PRKN: variants seen among roughly 807,000 people sequenced by gnomAD.
PRKN encodes the protein parkin RBR E3 ubiquitin protein ligase.
PRKN carries 56 observed loss-of-function variants against 59.5 expected under a neutral mutation model. That is an observed-to-expected ratio of 0.94 (90% CI 0.76 to 1.18). The LOEUF (loss-of-function observed/expected upper bound fraction) is 1.18. PRKN is among the 50% of genes most tolerant of loss of function. PRKN has a pLI of 0.00. For synonymous variants in PRKN, 250 were observed against 222.1 expected (o/e 1.13, Z -1.12); for missense variants, 657 against 596.4 (o/e 1.10, Z -1.06).
chr6:161,690,962 C>T (rs984791498), intron 7 of PRKN, among the ~76,000 whole-genome samples: 1 of 123,446 alleles, frequency 8.1e-6, no homozygotes, highest in African/African-American at 4.3e-5. Flanking sequence ...TTGAACAATC[C>T]ATCCATCCAT....
intron 7 of PRKN, among the ~76,000 whole-genome samples, chr6:161,669,102 T>A (rs550726014): frequency 8.3e-4 from 127 of 152,286 alleles, no homozygotes; most frequent in African/African-American, 2.9e-3. Context: ...AGAGAGCTCA[T>A]CTGCCACTTT....
rs143261678 is a variant in PRKN, at chr6:161,577,190, A to G, written c.872-7774T>C. 3.6e-3 allele frequency among the ~76,000 whole-genome samples: 544 copies of G among 152,308 alleles called. 2 individuals carry two copies. The highest frequency in any genetic ancestry group is 6.8e-3 in the Middle Eastern group (2 of 294). ...CTTCACAGTGTTATGCATGTAATTC[A>G]TTTACTACTCATGACAACCCTATAA... On this transcript the variant is annotated intron_variant, in intron 7 of 11. Coordinates refer to ENST00000366898, the MANE Select transcript of PRKN (RefSeq NM_004562.3).
intron 7 of PRKN, among the ~76,000 whole-genome samples, chr6:161,580,074 AC>A (rs1289091976): frequency 6.6e-6 from 1 of 152,244 alleles, no homozygotes; most frequent in Non-Finnish European, 1.5e-5. Flanking sequence ...TGAAAATAAA[AC>A]AAAAATCCAA....
intron 6 of PRKN, among the ~76,000 whole-genome samples, chr6:161,894,286 G>A (rs1777527918): frequency 6.6e-6 from 1 of 152,042 alleles, no homozygotes. Flanking sequence ...GATTTCATGC[G>A]AGTCTCATTA....
rs192898582 is a variant in PRKN, at chr6:161,498,961, A to G, written c.1083+49893T>C. Among the ~76,000 whole-genome samples, 29 of 152,154 alleles carry G rather than the reference A, an allele frequency of 1.9e-4. No homozygotes were observed. The highest frequency in any genetic ancestry group is 1.7e-3 in the Admixed American group (26 of 15,284). ...TGTATGGGGATGGGGGAGGATTGAGATTCTTCTTTATCTTCTACTGAAGCC... is the reference window on the plus strand; with the variant it reads ...TGTATGGGGATGGGGGAGGATTGAGGTTCTTCTTTATCTTCTACTGAAGCC... On this transcript the variant is annotated intron_variant, in intron 9 of 11. Transcript: ENST00000366898. The surrounding 1 kb of genome is among the most constrained non-coding windows in gnomAD (Gnocchi z 4.2).
intron 4 of PRKN, among the ~76,000 whole-genome samples, chr6:162,105,118 G>T (rs983093305): frequency 2.6e-5 from 4 of 152,168 alleles, no homozygotes; most frequent in African/African-American, 9.7e-5. Context: ...GCAGCGAAAA[G>T]AAGACAGAAC....
chr6:161,514,399 A>T (rs796886889), intron 9 of PRKN, among the ~76,000 whole-genome samples: 4 of 152,194 alleles, frequency 2.6e-5, no homozygotes, highest in African/African-American at 9.6e-5. Context: ...TGGGACTCTG[A>T]ACAGTTTTTT....
chr6:162,569,811 A>G, intron 1 of PRKN: 2 of 449,862 alleles, frequency 4.4e-6, no homozygotes. Flanking sequence ...AGCGGAGCAC[A>G]GGGAATGGGA....
At chr6:162,135,353 A>G (rs900955965) in intron 4 of PRKN, among the ~76,000 whole-genome samples, 4 of 152,170 alleles carry the variant, frequency 2.6e-5, no homozygotes, top group Non-Finnish European at 5.9e-5. Flanking sequence ...ATTCCCGATT[A>G]GTTGTCCTAA....
chr6:162,094,820 G>A (rs951880761), intron 4 of PRKN, among the ~76,000 whole-genome samples: 1 of 152,088 alleles, frequency 6.6e-6, no homozygotes, highest in Non-Finnish European at 1.5e-5. Flanking sequence ...AATTTAGGAG[G>A]GAAATTTTAA....
intron 6 of PRKN, among the ~76,000 whole-genome samples, chr6:161,854,241 C>T (rs1473793508): frequency 4.0e-5 from 6 of 151,514 alleles, no homozygotes; most frequent in Non-Finnish European, 8.8e-5. Context: ...GGTGACAGAG[C>T]AAGATTCCAT....
intron 1 of PRKN, among the ~76,000 whole-genome samples, chr6:162,669,770 C>T (rs1779250620): frequency 6.6e-6 from 1 of 152,122 alleles, no homozygotes; most frequent in Non-Finnish European, 1.5e-5. Context: ...AGTTAGAATC[C>T]TAAATATTCC....
At chr6:162,198,259 C>G (rs1784578573) in intron 4 of PRKN, among the ~76,000 whole-genome samples, 1 of 151,916 alleles carries the variant, frequency 6.6e-6, no homozygotes, top group African/African-American at 2.4e-5. Context: ...GAGGTGGAGC[C>G]GAGACTACAA....
In PRKN at chr6:161,530,032, T is replaced by TAA. The variant is rs147377973; in HGVS notation, c.1083+18820_1083+18821dup. Among the ~76,000 whole-genome samples, 26 of 149,956 alleles carry TAA rather than the reference T, an allele frequency of 1.7e-4. No homozygotes were observed. Among genetic ancestry groups the TAA allele is most frequent in the South Asian group, 8.5e-4 (4 of 4,718 alleles). On this transcript the variant is annotated intron_variant, in intron 9 of 11. Coordinates refer to ENST00000366898, the MANE Select transcript of PRKN (RefSeq NM_004562.3). This position sits in a 1 kb window ranked among gnomAD's most constrained non-coding sequence, Gnocchi z 5.0. ...AAAAGCATTTTACTTAAGAAGCATT[T>TAA]AAAAAAAAAACCCTCATTCATTTCA...
intron 7 of PRKN, among the ~76,000 whole-genome samples, chr6:161,720,849 G>A (rs1787191243): frequency 6.6e-6 from 1 of 151,444 alleles, no homozygotes; most frequent in Non-Finnish European, 1.5e-5. Flanking sequence ...TTACAAATTA[G>A]CAAATGTTGT....
At chr6:162,218,092 C>T (rs1334960656) in intron 3 of PRKN, among the ~76,000 whole-genome samples, 1 of 152,154 alleles carries the variant, frequency 6.6e-6, no homozygotes, top group Non-Finnish European at 1.5e-5. Context: ...TGGCAACAGC[C>T]AGCCACAGCC....
chr6:161,757,529 G>A (rs1045861640), intron 7 of PRKN, among the ~76,000 whole-genome samples: 1 of 151,896 alleles, frequency 6.6e-6, no homozygotes, highest in African/African-American at 2.4e-5. Flanking sequence ...TAAGAGAATG[G>A]CAAATAAACA....
At chr6:161,866,766 A>G (rs185107238) in intron 6 of PRKN, among the ~76,000 whole-genome samples, 32 of 152,204 alleles carry the variant, frequency 2.1e-4, no homozygotes, top group African/African-American at 7.2e-4. Context: ...TGCCTGGACA[A>G]TTTTTATAGT....
intron 6 of PRKN, among the ~76,000 whole-genome samples, chr6:161,793,971 C>T (rs1024429572): frequency 3.3e-5 from 5 of 152,112 alleles, no homozygotes; most frequent in East Asian, 1.9e-4. Context: ...TTTCTAACCT[C>T]GGTGTTTGTT....
Sources: gnomAD v4.1 joint callset for allele counts (sites outside exome capture counted in the v4.1 genomes callset) on GRCh38, gnomAD v4.1.1 for gene constraint, Gnocchi (gnomAD v3.1) non-coding constraint, MANE v1.5 for transcripts, NCBI Gene and HGNC (gene_info 2026-07-23, HGNC 2026-07-21) for gene names.